Variants in LGR6 observed in about 807,000 individuals in gnomAD.
LGR6 encodes leucine rich repeat containing G protein-coupled receptor 6, also known as leucine-rich repeat-containing G protein-coupled receptor 6.
In LGR6, 45 loss-of-function variants were observed where a neutral mutation model predicts 69.4. The observed-to-expected ratio is 0.65, with a 90% CI of 0.51 to 0.83. The LOEUF is 0.83. LGR6 is among the 40% of genes least tolerant of loss of function. The probability of loss-of-function intolerance (pLI) is 0.00; values close to 1 mark genes in which losing one functional copy is unlikely to be tolerated. For missense variants in LGR6, 1,108 were observed against 1,246.7 expected (o/e 0.89, Z 1.68); for synonymous variants, 538 against 555.0 (o/e 0.97, Z 0.43).
intron 4 of LGR6, 48 bp downstream of exon 4, chr1:202,236,041 T>C: frequency 6.6e-7 from 1 of 1,519,476 alleles, no homozygotes. Context: ...TCCTGGGGCC[T>C]GAGTCACAGC....
chr1:202,273,358 A>T (rs555004665), intron 4 of LGR6, among the ~76,000 whole-genome samples: 1 of 152,268 alleles, frequency 6.6e-6, no homozygotes, highest in East Asian at 1.9e-4. Context: ...TTAGGAAGGC[A>T]GTAGCAGAGA....
chr1:202,195,908 A>C (rs924747827), intron 1 of LGR6, among the ~76,000 whole-genome samples: 12 of 152,146 alleles, frequency 7.9e-5, no homozygotes, highest in Admixed American at 7.9e-4. Flanking sequence ...TCACCTTTGG[A>C]ATTCAAGCAT....
At chr1:202,213,979 G>C in intron 1 of LGR6, 1 of 904,870 alleles carries the variant, frequency 1.1e-6, no homozygotes, top group Non-Finnish European at 1.3e-6. Flanking sequence ...CTTGGATCTA[G>C]TCTTTCTATA....
chr1:202,297,429 G>A, intron 6 of LGR6, 79 bp from the exon 7 acceptor site: 1 of 1,204,670 alleles, frequency 8.3e-7, no homozygotes, highest in Non-Finnish European at 1.2e-6. Context: ...CAAGCCCAGA[G>A]CCAAGTTTCC....
At chr1:202,236,160 T>C (rs1440898226) in intron 4 of LGR6, 167 bp downstream of exon 4, 1 of 627,862 alleles carries the variant, frequency 1.6e-6, no homozygotes, top group Non-Finnish European at 2.8e-6. Context: ...GGGTTTTCTG[T>C]TGTCATCAGT....
At chr1:202,281,169 A>C (rs1050850195) in intron 6 of LGR6, among the ~76,000 whole-genome samples, 1 of 152,128 alleles carries the variant, frequency 6.6e-6, no homozygotes, top group Admixed American at 6.5e-5. Flanking sequence ...AACTGCAAGA[A>C]GCTCAAGGAA....
intron 7 of LGR6, 57 bp from the exon 8 acceptor site, chr1:202,300,792 C>G (rs1667529275): frequency 7.8e-7 from 1 of 1,289,356 alleles, no homozygotes; most frequent in Non-Finnish European, 1.1e-6. Context: ...AATTCCATGC[C>G]TCTCCCTCTC....
At chr1:202,206,567 C>T (rs1424586796) in intron 1 of LGR6, among the ~76,000 whole-genome samples, 1 of 151,856 alleles carries the variant, frequency 6.6e-6, no homozygotes, top group Non-Finnish European at 1.5e-5. Flanking sequence ...TTTATTTTTT[C>T]GAGACAGGAT....
At chr1:202,286,886 G>C (rs1164094063) in intron 6 of LGR6, among the ~76,000 whole-genome samples, 1 of 152,136 alleles carries the variant, frequency 6.6e-6, no homozygotes, top group Non-Finnish European at 1.5e-5. Context: ...CATTGCCCTG[G>C]TGTGGGGGGT....
intron 4 of LGR6, among the ~76,000 whole-genome samples, chr1:202,262,876 G>T (rs1334955394): frequency 2.6e-5 from 4 of 151,912 alleles, no homozygotes; most frequent in Non-Finnish European, 5.9e-5. Context: ...TACTTCCCCT[G>T]CAGTCTTCCC....
chr1:202,291,475 C>T (rs1382811017), intron 6 of LGR6, among the ~76,000 whole-genome samples: 1 of 152,200 alleles, frequency 6.6e-6, no homozygotes, highest in Non-Finnish European at 1.5e-5. Flanking sequence ...CCAAAGGAGC[C>T]CCCATCTTGA....
intron 4 of LGR6, among the ~76,000 whole-genome samples, chr1:202,274,899 C>T (rs1293459957): frequency 1.3e-5 from 2 of 152,182 alleles, no homozygotes; most frequent in African/African-American, 4.8e-5. Flanking sequence ...TGAAGAGTGT[C>T]CTGGTGAATG....
chr1:202,309,613 C>T (rs1029916185), intron 15 of LGR6, among the ~76,000 whole-genome samples: 2 of 152,258 alleles, frequency 1.3e-5, no homozygotes, highest in African/African-American at 2.4e-5. Context: ...ACATCCAGGC[C>T]TCTTCCATGC....
chr1:202,278,104 G>A (rs941741749), intron 5 of LGR6, among the ~76,000 whole-genome samples: 18 of 152,144 alleles, frequency 1.2e-4, no homozygotes, highest in Non-Finnish European at 2.1e-4. Context: ...GAAGCTTGAA[G>A]GTTTTCAGGC....
At chr1:202,216,375 A>G (rs1326600541) in intron 1 of LGR6, among the ~76,000 whole-genome samples, 1 of 152,212 alleles carries the variant, frequency 6.6e-6, no homozygotes, top group Non-Finnish European at 1.5e-5. Context: ...CTGGAAATCA[A>G]ACACAAGTCA....
Position 202,319,496 on chromosome 1 carries a change from A to T in LGR6, c.*289A>T, listed in dbSNP as rs1572037796. 1 of 369,894 alleles carries T rather than the reference A, an allele frequency of 2.7e-6. No homozygotes were observed. Among genetic ancestry groups the T allele is most frequent in the East Asian group, 4.6e-5 (1 of 21,956 alleles). The allele number at this position is 369,894 out of a possible 1,614,324, so 22.9% of individuals were successfully genotyped here. On this transcript the variant is annotated 3_prime_UTR_variant, in exon 18 of 18. Coordinates refer to ENST00000367278, the MANE Select transcript of LGR6 (RefSeq NM_001017403.2). Reference sequence around the variant, plus strand: ...CCTGGACTTTTGTCTGCTTAAGGGAAATGAGGGAAGTAAAGACAGTGAAGG... The same window carrying T: ...CCTGGACTTTTGTCTGCTTAAGGGATATGAGGGAAGTAAAGACAGTGAAGG...
chr1:202,228,826 A>G (rs1167860682), intron 3 of LGR6, among the ~76,000 whole-genome samples: 1 of 152,106 alleles, frequency 6.6e-6, no homozygotes, highest in African/African-American at 2.4e-5. Flanking sequence ...GAAGAAAAGG[A>G]GGATATTAGG....
intron 4 of LGR6, among the ~76,000 whole-genome samples, chr1:202,269,103 G>C (rs1202324677): frequency 6.6e-6 from 1 of 152,050 alleles, no homozygotes; most frequent in Non-Finnish European, 1.5e-5. Flanking sequence ...AGGGTGTCTT[G>C]CTATTTTGTC....
At chr1:202,211,387 T>C (rs1659456882) in intron 1 of LGR6, among the ~76,000 whole-genome samples, 1 of 152,252 alleles carries the variant, frequency 6.6e-6, no homozygotes, top group Non-Finnish European at 1.5e-5. Context: ...AGAGTCTCAC[T>C]CTGTTACCGA....
Sources: gnomAD v4.1 joint callset for allele counts (sites outside exome capture counted in the v4.1 genomes callset) on GRCh38, gnomAD v4.1.1 for gene constraint, MANE v1.5 for transcripts, NCBI Gene and HGNC (gene_info 2026-07-23, HGNC 2026-07-21) for gene names.